Variants in ZNF670 observed in about 807,000 individuals in gnomAD.
The protein encoded by ZNF670 is zinc finger protein 670.
Under a neutral mutation model 10.9 loss-of-function variants are expected in ZNF670, and 7 were observed. The observed-to-expected ratio is 0.64, with a 90% CI of 0.36 to 1.20. The LOEUF (loss-of-function observed/expected upper bound fraction) is 1.20. Ranked by LOEUF, ZNF670 falls within the 50% of genes most tolerant of loss-of-function variation. The probability of loss-of-function intolerance (pLI) is 0.02; values close to 1 mark genes in which losing one functional copy is unlikely to be tolerated. For synonymous variants in ZNF670, 136 were observed against 152.7 expected, an observed-to-expected ratio of 0.89 and a Z score of 0.81; for missense variants, 446 against 458.6, an observed-to-expected ratio of 0.97 and a Z score of 0.25.
intron 1 of ZNF670, among the ~76,000 whole-genome samples, chr1:247,047,907 C>A (rs56168349): frequency 0.028 from 4,200 of 152,172 alleles, 197 homozygotes; most frequent in African/African-American, 0.094. Flanking sequence ...CCATTTTTTT[C>A]TCCTATGCCT....
intron 1 of ZNF670, among the ~76,000 whole-genome samples, chr1:247,072,951 A>G (rs557765260): frequency 7.3e-4 from 110 of 151,516 alleles, no homozygotes; most frequent in African/African-American, 2.6e-3. Context: ...CTATGCAGCC[A>G]TAAAAAAAGA....
At chr1:247,073,490 GA>G (rs1319612024) in intron 1 of ZNF670, among the ~76,000 whole-genome samples, 2 of 152,074 alleles carry the variant, frequency 1.3e-5, no homozygotes, top group African/African-American at 4.8e-5. Context: ...TGAGCAATTG[GA>G]AATTTAATTC....
chr1:247,076,046 T>C (rs915009974), intron 1 of ZNF670, among the ~76,000 whole-genome samples: 1 of 152,154 alleles, frequency 6.6e-6, no homozygotes, highest in Non-Finnish European at 1.5e-5. Flanking sequence ...TTAAAGTTAA[T>C]GAAAAACTGA....
chr1:247,038,371 G>A lies in ZNF670; in HGVS notation c.248C>T (p.Thr83Ile), dbSNP rs768943632. Residue 83 changes from threonine (T) to isoleucine (I), a missense_variant, in exon 4 of 4, where the codon ACC becomes ATC. Coordinates refer to ENST00000366503, the MANE Select transcript of ZNF670 (RefSeq NM_033213.5). ...ATTCAAATTTGAATCCTGGCTGAAGGTTTCTCCATATTGACTGCCTTCTTT... is the reference window on the plus strand; with the variant it reads ...ATTCAAATTTGAATCCTGGCTGAAGATTTCTCCATATTGACTGCCTTCTTT... ...EIKEGSQYGE[T>I]FSQDSNLNLN... The A allele has an allele frequency of 4.3e-6, 7 of 1,613,740 alleles. No homozygotes were observed. The highest frequency in any genetic ancestry group is 1.7e-5 in the Admixed American group (1 of 59,996).
At chr1:247,039,217 C>T (rs1670247109) in intron 2 of ZNF670, among the ~76,000 whole-genome samples, 194 bp downstream of exon 2, 1 of 151,966 alleles carries the variant, frequency 6.6e-6, no homozygotes, top group Admixed American at 6.6e-5. Flanking sequence ...TGCTACCACG[C>T]CTGGCTAATT....
rs1025916905 is a variant in ZNF670 at position 247,039,308 on chromosome 1, G to A, written c.130+103C>T. ...ACTCCTGACCTCAGGCGATTCACCC[G>A]CCTTGGCCTCCCAAAGTGCTGGGAT... On this transcript the variant is annotated intron_variant, in intron 2 of 3. Coordinates refer to ENST00000366503, the MANE Select transcript of ZNF670 (RefSeq NM_033213.5). The A allele has an allele frequency of 4.3e-5, 58 of 1,362,076 alleles. 1 individual carries two copies. The Admixed American group carries it at 4.9e-4, about 12-fold the overall frequency. The allele number at this position is 1,362,076 out of a possible 1,614,324, so 84.4% of individuals were successfully genotyped here.
intron 1 of ZNF670, among the ~76,000 whole-genome samples, chr1:247,077,404 T>C (rs1482686915): frequency 6.6e-6 from 1 of 152,128 alleles, no homozygotes; most frequent in Non-Finnish European, 1.5e-5. Flanking sequence ...GCTGAGGACA[T>C]ATCACCCTCT....
intron 1 of ZNF670, among the ~76,000 whole-genome samples, chr1:247,059,940 CA>C (rs1452107765): frequency 3.3e-5 from 5 of 152,000 alleles, no homozygotes; most frequent in Non-Finnish European, 7.4e-5. Context: ...ACCTATATGA[CA>C]AAACTATGCA....
chr1:247,048,933 T>C (rs185828738), intron 1 of ZNF670, among the ~76,000 whole-genome samples: 2 of 152,300 alleles, frequency 1.3e-5, no homozygotes, highest in South Asian at 2.1e-4. Flanking sequence ...TTGGTCTGTT[T>C]AGAGTTTCTA....
At chr1:247,059,873 A>C (rs1298019555) in intron 1 of ZNF670, among the ~76,000 whole-genome samples, 1 of 152,210 alleles carries the variant, frequency 6.6e-6, no homozygotes, top group Admixed American at 6.5e-5. Context: ...AGCAATGAGC[A>C]ACTGATTTAA....
chr1:247,057,920 T>G (rs192739486), intron 1 of ZNF670, among the ~76,000 whole-genome samples: 17 of 152,342 alleles, frequency 1.1e-4, no homozygotes, highest in Admixed American at 1.0e-3. Flanking sequence ...CAAGACCTTG[T>G]ATTTTGCTAG....
At chr1:247,071,545 C>T (rs1671115291) in intron 1 of ZNF670, among the ~76,000 whole-genome samples, 1 of 152,208 alleles carries the variant, frequency 6.6e-6, no homozygotes, top group Non-Finnish European at 1.5e-5. Context: ...GTGATAAAAT[C>T]ATTTGCACAC....
intron 1 of ZNF670, among the ~76,000 whole-genome samples, chr1:247,068,470 C>T (rs1671043726): frequency 6.6e-6 from 1 of 150,550 alleles, no homozygotes; most frequent in Admixed American, 6.6e-5. Flanking sequence ...TATCATCTCA[C>T]CCCAGTTAAA....
At position 247,037,799 on chromosome 1, in the gene ZNF670, T is replaced by C; in HGVS notation, c.820A>G (p.Thr274Ala). 1 of 1,613,578 alleles carries C rather than the reference T, an allele frequency of 6.2e-7. No homozygotes were observed. The highest frequency in any genetic ancestry group is 8.5e-7 in the Non-Finnish European group (1 of 1,179,846). Residue 274 changes from threonine (T) to alanine (A), a missense_variant, in exon 4 of 4, where the codon ACG (threonine) becomes GCG (alanine). Transcript: ENST00000366503. ...TCATAGGGTTTTTCTCCAGTATGCG[T>C]TCTTTCATGTATTCCCAAGTAAGTG... ...RSTYLGIHER[T>A]HTGEKPYECI...
intron 1 of ZNF670, chr1:247,044,018 A>G: frequency 5.1e-6 from 1 of 197,672 alleles, no homozygotes. Context: ...ATTTACAAAA[A>G]GATTTCAGAA....
At chr1:247,060,849 T>C (rs534491747) in intron 1 of ZNF670, among the ~76,000 whole-genome samples, 1 of 152,144 alleles carries the variant, frequency 6.6e-6, no homozygotes, top group South Asian at 2.1e-4. Flanking sequence ...TGGAGAGAAA[T>C]GGGATAATTT....
At chr1:247,040,355 C>G (rs10802462) in intron 1 of ZNF670, among the ~76,000 whole-genome samples, 9,540 of 152,208 alleles carry the variant, frequency 0.063, 414 homozygotes, top group South Asian at 0.19. Flanking sequence ...TATTGGATAA[C>G]AACAAAGTGC....
chr1:247,037,570 C>A lies in ZNF670; in HGVS notation c.1049G>T (p.Ser350Ile). The A allele has an allele frequency of 6.2e-7, 1 of 1,614,028 alleles. No homozygotes were observed. Among genetic ancestry groups the A allele is most frequent in the Non-Finnish European group, 8.5e-7 (1 of 1,179,992 alleles). ...AGTCCTTTCATGGCTTCGAAGGGCA[C>A]TGGAAGAAGTAAACGACTTACCACA... is the stretch of plus-strand genomic sequence containing the variant. ...KECGKSFTSSSALRSHERTHT... is the reference protein window; with the variant it reads ...KECGKSFTSSIALRSHERTHT... The change falls in exon 4 of 4, where the codon AGT (serine) becomes ATT (isoleucine). Residue 350 changes from serine (S) to isoleucine (I), a missense_variant. By Grantham distance (142) the Ser-to-Ile change is moderately radical. Transcript: ENST00000366503.
intron 1 of ZNF670, among the ~76,000 whole-genome samples, chr1:247,075,763 A>G (rs1042163344): frequency 1.3e-5 from 2 of 152,192 alleles, no homozygotes; most frequent in African/African-American, 4.8e-5. Context: ...TTCTCTTATA[A>G]ATTGTCCAGC....
Sources: allele counts gnomAD v4.1 joint callset (sites outside exome capture counted in the v4.1 genomes callset), GRCh38; gene constraint gnomAD v4.1.1; transcripts MANE v1.5; gene names NCBI Gene and HGNC (gene_info 2026-07-23, HGNC 2026-07-21).